UBXN7: variants seen among roughly 807,000 people sequenced by gnomAD.
The protein encoded by UBXN7 is UBX domain protein 7.
A neutral mutation model predicts 58.0 loss-of-function variants in UBXN7; 9 were observed. The observed-to-expected ratio is 0.16, with a 90% CI of 0.09 to 0.27. UBXN7 has a LOEUF of 0.27. Among genes scored for constraint, UBXN7 ranks in the 10% least tolerant of loss-of-function variants. The pLI, the probability that UBXN7 is intolerant of heterozygous loss-of-function variation, is 1.00. For missense variants in UBXN7, 328 were observed against 599.6 expected, an observed-to-expected ratio of 0.55 and a Z score of 4.73; for synonymous variants, 208 against 205.0, an observed-to-expected ratio of 1.01 and a Z score of -0.12.
In UBXN7 at chr3:196,391,854, G is replaced by A. The variant is rs760573625; in HGVS notation, c.427C>T (p.Arg143Trp). Residue 143 changes from arginine (R) to tryptophan (W), a missense_variant, in exon 5 of 11, where the codon CGG (arginine) becomes TGG (tryptophan). Physicochemically the swap from Arg to Trp is moderately radical, Grantham distance 101. Around this residue, in one of 4 missense-constraint regions of UBXN7, gnomAD observed 126 missense variants for 302.6 expected, o/e 0.42. Coordinates refer to ENST00000296328, the MANE Select transcript of UBXN7 (RefSeq NM_015562.2). ...TTATGCATCAAATCAATGGGTGGCC[G>A]GAATAGATCTGCAAGGGTAGTTAAT... is the stretch of plus-strand genomic sequence containing the variant. ...KKLTTLADLF[R>W]PPIDLMHKGS... is the part of the protein sequence containing the mutation. The A allele has an allele frequency of 1.9e-6, 3 of 1,612,786 alleles. No homozygotes were observed. The highest frequency in any genetic ancestry group is 2.5e-6 in the Non-Finnish European group (3 of 1,179,660).
chr3:196,370,022 C>T (rs1577438092), intron 6 of UBXN7, among the ~76,000 whole-genome samples: 1 of 148,362 alleles, frequency 6.7e-6, no homozygotes, highest in African/African-American at 2.5e-5. Flanking sequence ...CCCAGCTACT[C>T]GGGAGACTGA....
chr3:196,359,399 T>C (rs923929684), intron 10 of UBXN7, among the ~76,000 whole-genome samples: 2 of 152,108 alleles, frequency 1.3e-5, no homozygotes, highest in African/African-American at 4.8e-5. Context: ...GGCCAATTAA[T>C]AACCTACCAG....
chr3:196,349,505 T>C lies in UBXN7; in HGVS notation c.*7180A>G, dbSNP rs962870015. 5 of 152,214 alleles carry C rather than the reference T, an allele frequency of 3.3e-5. No individual in the cohort carries two copies. Among genetic ancestry groups the C allele is most frequent in the African/African-American group, 1.2e-4 (5 of 41,448 alleles). The allele number at this position is 152,214 out of a possible 1,614,324, so 9.4% of individuals were successfully genotyped here. On this transcript the variant is annotated 3_prime_UTR_variant, in exon 11 of 11. Coordinates refer to ENST00000296328, the MANE Select transcript of UBXN7 (RefSeq NM_015562.2). ...ATATCTCCATTAAGAATGCAAAGCTTTGAGAAAAGCATACTGTAAAATCAT... is the reference window on the plus strand; with the variant it reads ...ATATCTCCATTAAGAATGCAAAGCTCTGAGAAAAGCATACTGTAAAATCAT...
intron 1 of UBXN7, among the ~76,000 whole-genome samples, chr3:196,410,318 A>G (rs910964080): frequency 2.6e-5 from 4 of 152,178 alleles, no homozygotes; most frequent in Non-Finnish European, 4.4e-5. Flanking sequence ...ATCACTCTAC[A>G]TTACCCTTAC....
chr3:196,415,800 T>C (rs1022404623), intron 1 of UBXN7, among the ~76,000 whole-genome samples: 42 of 150,190 alleles, frequency 2.8e-4, no homozygotes, highest in Non-Finnish European at 7.4e-5. Flanking sequence ...AAAAGTTCAG[T>C]GACTACTGTG....
chr3:196,383,879 A>G (rs1411522389), intron 5 of UBXN7, among the ~76,000 whole-genome samples: 2 of 152,208 alleles, frequency 1.3e-5, no homozygotes, highest in African/African-American at 2.4e-5. Context: ...CTAACATCAC[A>G]ATTAAAAGAA....
intron 1 of UBXN7, among the ~76,000 whole-genome samples, chr3:196,421,148 CTG>C (rs1476748976): frequency 6.6e-6 from 1 of 152,154 alleles, no homozygotes; most frequent in Non-Finnish European, 1.5e-5. Flanking sequence ...CCAGAAAAAA[CTG>C]AGTACAGAGA....
Position 196,386,175 on chromosome 3 carries a change from GCAGCA to G in UBXN7, c.468+5633_468+5637del, listed in dbSNP as rs1390091940. On this transcript the variant is annotated intron_variant, in intron 5 of 10. Transcript: ENST00000296328. ...TGCTTTGTTAAACAGATGCTTGAAG[GCAGCA>G]TACTCGTTAAGCGTCATCACCACTC... is the stretch of plus-strand genomic sequence containing the variant. Among the ~76,000 whole-genome samples, 91 of 151,936 alleles carry G rather than the reference GCAGCA, an allele frequency of 6.0e-4. No homozygotes were observed. The East Asian group carries it at 0.011, about 19-fold the overall frequency.
At chr3:196,395,428 G>A (rs1250070680) in intron 3 of UBXN7, among the ~76,000 whole-genome samples, 1 of 152,096 alleles carries the variant, frequency 6.6e-6, no homozygotes, top group Non-Finnish European at 1.5e-5. Flanking sequence ...AAGAGATTTT[G>A]TAATACACTG....
chr3:196,391,407 C>G (rs1329412764), intron 5 of UBXN7, among the ~76,000 whole-genome samples: 2 of 152,026 alleles, frequency 1.3e-5, no homozygotes, highest in Non-Finnish European at 2.9e-5. Context: ...TATACACTGA[C>G]AATGGTTTTT....
At chr3:196,424,445 A>T (rs1577481382) in intron 1 of UBXN7, among the ~76,000 whole-genome samples, 2 of 130,056 alleles carry the variant, frequency 1.5e-5, no homozygotes, top group Non-Finnish European at 3.1e-5. Flanking sequence ...CCCAGGCTGG[A>T]GTATAGCAGC....
rs1444090327 is a variant in UBXN7, at chr3:196,355,614, T to C, written c.*1071A>G. 1.3e-5 allele frequency: 2 copies of C among 152,238 alleles called. No homozygotes were observed. The highest frequency in any genetic ancestry group is 2.9e-5 in the Non-Finnish European group (2 of 68,046). The allele number at this position is 152,238 out of a possible 1,614,324, so 9.4% of individuals were successfully genotyped here. ...TCAGTCACCAGAGCCTTTTAGAGAC[T>C]ATTCCAACCAGGGGCAAAAAATGAA... On this transcript the variant is annotated 3_prime_UTR_variant, in exon 11 of 11. Coordinates refer to ENST00000296328, the MANE Select transcript of UBXN7 (RefSeq NM_015562.2).
At chr3:196,428,857 T>G (rs1257354414) in intron 1 of UBXN7, among the ~76,000 whole-genome samples, 1 of 151,724 alleles carries the variant, frequency 6.6e-6, no homozygotes, top group East Asian at 1.9e-4. Context: ...TGATATTGTC[T>G]TTTTAATAAT....
At chr3:196,380,928 A>T (rs925426166) in intron 5 of UBXN7, among the ~76,000 whole-genome samples, 2 of 152,106 alleles carry the variant, frequency 1.3e-5, no homozygotes, top group Non-Finnish European at 2.9e-5. Context: ...TGGCTGAGGG[A>T]GGGGCGTCCG....
intron 5 of UBXN7, among the ~76,000 whole-genome samples, chr3:196,375,004 GAGGAAGGAAGGA>G (rs1179864500): frequency 8.5e-4 from 32 of 37,526 alleles, no homozygotes; most frequent in African/African-American, 4.2e-3. Context: ...GGGAGGGAGG[GAGGAAGGAAGGA>G]AGGAAGGAAG....
chr3:196,411,764 C>T (rs1393756024), intron 1 of UBXN7, among the ~76,000 whole-genome samples: 1 of 152,010 alleles, frequency 6.6e-6, no homozygotes, highest in Non-Finnish European at 1.5e-5. Context: ...GAGCCAAGAT[C>T]GTGCCATTGC....
In UBXN7 at chr3:196,356,448, G is replaced by A. The variant is rs75873266; in HGVS notation, c.*237C>T. On this transcript the variant is annotated 3_prime_UTR_variant, in exon 11 of 11. Transcript: ENST00000296328. The stretch of plus-strand genomic sequence containing the variant: ...CAGATTAGGTAAGAAAGAAAAGTGT[G>A]GGGGGAGGGGGAGGCAGAAGGGTAC... 2,173 of 389,360 alleles carry A rather than the reference G, an allele frequency of 5.6e-3. 43 individuals carry two copies. The highest frequency in any genetic ancestry group is 0.042 in the African/African-American group (1,985 of 47,042). The allele number at this position is 389,360 out of a possible 1,614,324, so 24.1% of individuals were successfully genotyped here.
At chr3:196,429,960 T>G (rs1730973271) in intron 1 of UBXN7, among the ~76,000 whole-genome samples, 1 of 152,196 alleles carries the variant, frequency 6.6e-6, no homozygotes, top group Non-Finnish European at 1.5e-5. Context: ...GGTTTTTGTG[T>G]GTACCTAATA....
chr3:196,412,811 C>T (rs1730373201), intron 1 of UBXN7, among the ~76,000 whole-genome samples: 1 of 152,014 alleles, frequency 6.6e-6, no homozygotes, highest in Non-Finnish European at 1.5e-5. Context: ...AAGCCAGTCA[C>T]AAAATTACAA....
Sources: gnomAD v4.1 joint callset for allele counts (sites outside exome capture counted in the v4.1 genomes callset) on GRCh38, gnomAD v4.1.1 for gene constraint, gnomAD v4.1.1 regional missense constraint, MANE v1.5 for transcripts, NCBI Gene and HGNC (gene_info 2026-07-23, HGNC 2026-07-21) for gene names.